SRRM4: variants seen among roughly 807,000 people sequenced by gnomAD.
SRRM4 encodes the protein serine/arginine repetitive matrix protein 4.
In SRRM4, 33 loss-of-function variants were observed where a neutral mutation model predicts 68.9. The observed-to-expected ratio is 0.48, with a 90% confidence interval of 0.36 to 0.64. The LOEUF is 0.64. Among genes scored for constraint, SRRM4 ranks in the 30% least tolerant of loss-of-function variants. The pLI, the probability that SRRM4 is intolerant of heterozygous loss-of-function variation, is 0.00. For missense variants in SRRM4, 817 were observed against 827.1 expected (o/e 0.99, Z 0.15); for synonymous variants, 318 against 318.8 (o/e 1.00, Z 0.03).
At chr12:119,127,728 CA>C (rs140110081) in intron 7 of SRRM4, among the ~76,000 whole-genome samples, 10,143 of 130,952 alleles carry the variant, frequency 0.077, 367 homozygotes, top group Admixed American at 0.11. Flanking sequence ...AAGTCTGTCT[CA>C]AAAAAAAAAA....
chr12:119,052,742 A>G (rs1317125834), intron 1 of SRRM4, among the ~76,000 whole-genome samples: 1 of 152,046 alleles, frequency 6.6e-6, no homozygotes, highest in Non-Finnish European at 1.5e-5. Flanking sequence ...GTTAGCCAGA[A>G]TGGTCTCGAT....
chr12:119,029,590 T>G (rs1953573762), intron 1 of SRRM4, among the ~76,000 whole-genome samples: 1 of 152,236 alleles, frequency 6.6e-6, no homozygotes, highest in Non-Finnish European at 1.5e-5. Flanking sequence ...CTTGTCTTTC[T>G]GGTTGGCCTA....
rs117692047 is a variant in SRRM4 at position 119,129,386 on chromosome 12, A to G, written c.615-1292A>G. 1.0e-3 allele frequency among the ~76,000 whole-genome samples: 157 copies of G among 152,350 alleles called. 1 individual carries two copies. In the East Asian group the frequency reaches 0.019, roughly 19 times the overall value. ...TACTGCAGACCAAGCAGCCAGATCT[A>G]GACGTGACAAACTTGCAGAAGGCAT... On this transcript the variant is annotated intron_variant, in intron 7 of 12. Coordinates refer to ENST00000267260, the MANE Select transcript of SRRM4 (RefSeq NM_194286.4).
intron 1 of SRRM4, chr12:119,031,229 C>T (rs1251054200): frequency 1.3e-5 from 2 of 152,216 alleles, no homozygotes; most frequent in Admixed American, 1.3e-4. Flanking sequence ...GATTCAGTTT[C>T]TTGCTGGCTG....
At chr12:119,030,480 A>G (rs1211518335) in intron 1 of SRRM4, among the ~76,000 whole-genome samples, 6 of 110,332 alleles carry the variant, frequency 5.4e-5, no homozygotes. Context: ...ACTTGTATTA[A>G]TTAATCTTGC....
At chr12:119,069,524 A>C (rs1368388717) in intron 1 of SRRM4, 1 of 152,122 alleles carries the variant, frequency 6.6e-6, no homozygotes, top group East Asian at 1.9e-4. Flanking sequence ...ACATTTTAGA[A>C]CTTGGGAACA....
intron 6 of SRRM4, among the ~76,000 whole-genome samples, chr12:119,123,361 C>T (rs148744688): frequency 3.5e-4 from 53 of 152,164 alleles, no homozygotes; most frequent in African/African-American, 1.2e-3. Context: ...CAATTATTGG[C>T]CACGTGTATT....
At position 119,107,552 on chromosome 12, in the gene SRRM4, G is replaced by A. The variant is rs143254358; in HGVS notation, c.278+5170G>A. Among the ~76,000 whole-genome samples, 655 of 152,286 alleles carry A rather than the reference G, an allele frequency of 4.3e-3. 3 individuals carry two copies. The highest frequency in any genetic ancestry group is 0.015 in the African/African-American group (626 of 41,554). On this transcript the variant is annotated intron_variant, in intron 2 of 12. Transcript: ENST00000267260. ...TTCTTCCTGGTTTAGTCTTGGGAGG[G>A]TCTATGTGTCCAGGAATTTATCCAT...
In SRRM4 at chr12:119,122,663, G is replaced by C. The variant is rs142284220; in HGVS notation, c.515+543G>C. On this transcript the variant is annotated intron_variant, in intron 6 of 12. Transcript: ENST00000267260. ...CCAATGCATTTGTGTGTCTGTGCTTGTGTGAGCATGAATGTGAATGGTATA... is the reference window on the plus strand; with the variant it reads ...CCAATGCATTTGTGTGTCTGTGCTTCTGTGAGCATGAATGTGAATGGTATA... Among the ~76,000 whole-genome samples the C allele has an allele frequency of 3.3e-5, 5 of 152,302 alleles. No individual in the cohort carries two copies. The East Asian group carries it at 9.6e-4, about 29-fold the overall frequency.
intron 9 of SRRM4, among the ~76,000 whole-genome samples, chr12:119,147,825 T>C (rs1320979475): frequency 6.6e-6 from 1 of 152,192 alleles, no homozygotes; most frequent in African/African-American, 2.4e-5. Context: ...CTTAACTCTC[T>C]CACTCAAGAA....
In SRRM4 at chr12:119,151,182, C is replaced by A; in HGVS notation, c.1242C>A (p.Pro414=). The change falls in exon 10 of 13, where the codon CCC becomes CCA. Residue 414 remains proline (P), a synonymous_variant. Transcript: ENST00000267260. The part of the protein sequence containing the change: ...SSRSPNPRAS[P]RYTQSRSTSS... ...GATCCCCAAATCCCAGGGCTTCCCC[C>A]AGGTACACCCAAAGCCGATCCACCT... 6.2e-7 allele frequency: 1 copy of A among 1,614,032 alleles called. No individual in the cohort carries two copies. The highest frequency in any genetic ancestry group is 8.5e-7 in the Non-Finnish European group (1 of 1,179,894).
intron 1 of SRRM4, among the ~76,000 whole-genome samples, chr12:119,038,231 GTCTC>G (rs1175548180): frequency 6.9e-6 from 1 of 145,292 alleles, no homozygotes; most frequent in African/African-American, 2.6e-5. Context: ...TTGAGACAGA[GTCTC>G]TCTCTGTCGC....
chr12:119,103,979 G>C (rs1048028559), intron 2 of SRRM4, among the ~76,000 whole-genome samples: 7 of 151,610 alleles, frequency 4.6e-5, no homozygotes, highest in Non-Finnish European at 7.4e-5. Flanking sequence ...CTTCAGCCTG[G>C]GCGACAGAGT....
chr12:119,137,155 C>T (rs1266001621), intron 8 of SRRM4, among the ~76,000 whole-genome samples: 1 of 151,390 alleles, frequency 6.6e-6, no homozygotes, highest in Non-Finnish European at 1.5e-5. Flanking sequence ...CTCTACCATA[C>T]AGCTCCACAC....
chr12:119,098,381 G>A (rs1391598602), intron 1 of SRRM4, among the ~76,000 whole-genome samples: 1 of 152,216 alleles, frequency 6.6e-6, no homozygotes, highest in African/African-American at 2.4e-5. Context: ...CCCTTTCTAA[G>A]ATTCCATTCC....
intron 1 of SRRM4, among the ~76,000 whole-genome samples, chr12:119,075,407 A>G (rs1035056894): frequency 2.6e-5 from 4 of 151,156 alleles, no homozygotes; most frequent in Non-Finnish European, 5.9e-5. Context: ...GATGATGATA[A>G]TGATGGTGAT....
chr12:119,106,937 G>A (rs1178808920), intron 2 of SRRM4, among the ~76,000 whole-genome samples: 1 of 152,140 alleles, frequency 6.6e-6, no homozygotes, highest in Non-Finnish European at 1.5e-5. Flanking sequence ...TATGATATTG[G>A]CTGTGGGTTT....
At chr12:119,133,302 T>C (rs1441796483) in intron 8 of SRRM4, 1 of 152,226 alleles carries the variant, frequency 6.6e-6, no homozygotes, top group Non-Finnish European at 1.5e-5. Flanking sequence ...ATAGTGGTGA[T>C]AGCAGTGGTG....
At chr12:119,130,652 C>T (rs1193179686) in intron 7 of SRRM4, 26 bp from the exon 8 acceptor site, 3 of 1,600,284 alleles carry the variant, frequency 1.9e-6, no homozygotes, top group South Asian at 1.1e-5. Flanking sequence ...TCAAAAGACC[C>T]TCAGGTCTCT....
Sources: gnomAD v4.1 joint callset for allele counts (sites outside exome capture counted in the v4.1 genomes callset) on GRCh38, gnomAD v4.1.1 for gene constraint, MANE v1.5 for transcripts, NCBI Gene and HGNC (gene_info 2026-07-23, HGNC 2026-07-21) for gene names.